The following DOCK5 variants were observed in gnomAD, a reference collection of about 807,000 sequenced individuals.
DOCK5 encodes the protein dedicator of cytokinesis protein 5.
In DOCK5, 142 loss-of-function variants were observed where a neutral mutation model predicts 251.8. That is an observed-to-expected ratio of 0.56 (90% confidence interval 0.49 to 0.65). DOCK5 has a LOEUF of 0.65. Ranked by LOEUF, DOCK5 falls within the 30% of genes least tolerant of loss-of-function variation. DOCK5 has a pLI of 0.00. For synonymous variants in DOCK5, 842 were observed against 835.5 expected, an observed-to-expected ratio of 1.01 and a Z score of -0.13; for missense variants, 2,111 against 2,312.3, an observed-to-expected ratio of 0.91 and a Z score of 1.79.
At chr8:25,389,659 A>G (rs944336642) in intron 41 of DOCK5, among the ~76,000 whole-genome samples, 2 of 152,104 alleles carry the variant, frequency 1.3e-5, no homozygotes, top group Non-Finnish European at 2.9e-5. Flanking sequence ...ACCATTTACC[A>G]GTTGTGTGAT....
rs1318391983 is a variant in DOCK5 at position 25,296,702 on chromosome 8, G to T, written c.606+54G>T. 4.4e-6 allele frequency: 7 copies of T among 1,592,736 alleles called. No individual in the cohort carries two copies. The East Asian group carries it at 1.1e-4, about 26-fold the overall frequency. Reference sequence around the variant, plus strand: ...CCACTGAGGTTCCATTTTTGCCTTGGTTTTTAATGAAAGAAAGGGAAATCA... The same window carrying T: ...CCACTGAGGTTCCATTTTTGCCTTGTTTTTTAATGAAAGAAAGGGAAATCA... On this transcript the variant is annotated intron_variant, in intron 7 of 51. Transcript: ENST00000276440.
intron 22 of DOCK5, among the ~76,000 whole-genome samples, chr8:25,336,946 A>T (rs1045519173): frequency 6.6e-6 from 1 of 152,176 alleles, no homozygotes; most frequent in Non-Finnish European, 1.5e-5. Context: ...AACTGTTAAA[A>T]TTTTTTTCTA....
intron 1 of DOCK5, among the ~76,000 whole-genome samples, chr8:25,217,773 T>A (rs1458156183): frequency 6.6e-6 from 1 of 152,202 alleles, no homozygotes; most frequent in African/African-American, 2.4e-5. Context: ...TAACATTGAA[T>A]CATGTAGTGA....
intron 1 of DOCK5, among the ~76,000 whole-genome samples, chr8:25,185,178 G>A (rs1199406515): frequency 6.6e-6 from 1 of 152,088 alleles, no homozygotes; most frequent in Non-Finnish European, 1.5e-5. Context: ...GCTGAGCTTC[G>A]GGACCGTAAT....
chr8:25,403,714 G>C lies in DOCK5; in HGVS notation c.5083G>C (p.Gly1695Arg). ...GTCTGACAATGCTCCTTCCAGACCG[G>C]GATCTGATGGGTAAGGGTTTCATCT... ...NSSDNAPSRPGSDGSILEPLL... is the reference protein window; with the variant it reads ...NSSDNAPSRPRSDGSILEPLL... Residue 1695 changes from glycine to arginine, a missense_variant, in exon 48 of 52, where the codon GGA becomes CGA. By Grantham distance (125) the Gly-to-Arg change is moderately radical. Transcript: ENST00000276440. 6.2e-7 allele frequency: 1 copy of C among 1,613,792 alleles called. No individual in the cohort carries two copies. The highest frequency in any genetic ancestry group is 1.3e-5 in the African/African-American group (1 of 75,000).
At chr8:25,367,212 G>A (rs961926136) in intron 31 of DOCK5, among the ~76,000 whole-genome samples, 1 of 152,086 alleles carries the variant, frequency 6.6e-6, no homozygotes, top group African/African-American at 2.4e-5. Context: ...ACCTGGAGAC[G>A]GACCTTGGCT....
At chr8:25,240,243 C>T (rs1802908026) in intron 1 of DOCK5, among the ~76,000 whole-genome samples, 2 of 150,316 alleles carry the variant, frequency 1.3e-5, no homozygotes, top group South Asian at 4.2e-4. Context: ...GTAGTTCCCT[C>T]ATCAGTAGAG....
At chr8:25,306,145 A>C (rs567444613) in intron 11 of DOCK5, among the ~76,000 whole-genome samples, 1 of 152,224 alleles carries the variant, frequency 6.6e-6, no homozygotes, top group East Asian at 1.9e-4. Context: ...ACGCTGTCTC[A>C]GATAAAATAA....
intron 13 of DOCK5, 107 bp downstream of exon 13, chr8:25,310,639 A>G (rs1239746749): frequency 1.5e-6 from 2 of 1,352,064 alleles, no homozygotes; most frequent in African/African-American, 1.5e-5. Context: ...ATTTACATTC[A>G]TTGGTCCTGA....
intron 1 of DOCK5, among the ~76,000 whole-genome samples, chr8:25,195,285 A>G (rs1486793032): frequency 1.7e-5 from 2 of 119,370 alleles, no homozygotes; most frequent in African/African-American, 7.1e-5. Context: ...TAAGATGGGC[A>G]TCTTGCTTTG....
chr8:25,389,098 T>C lies in DOCK5; in HGVS notation c.4139T>C (p.Ile1380Thr), dbSNP rs757684547. The C allele has an allele frequency of 4.4e-5, 71 of 1,613,756 alleles. No individual in the cohort carries two copies. Among genetic ancestry groups the C allele is most frequent in the Non-Finnish European group, 5.8e-5 (69 of 1,179,770 alleles). ...TCTGTGTCTCACCTGCAGAATAAAA[T>C]CTTCATCTATCGGGGAAAGGAGTAT... ...QGFPSFLRNK[I>T]FIYRGKEYER... Residue 1380 changes from isoleucine (I) to threonine (T), a missense_variant, in exon 41 of 52, where the codon ATC becomes ACC. Around this residue, in one of 3 missense-constraint regions of DOCK5, gnomAD observed 1,717 missense variants for 1,892.4 expected, o/e 0.91. Coordinates refer to ENST00000276440, the MANE Select transcript of DOCK5 (RefSeq NM_024940.8).
rs1805802070 is a variant in DOCK5 at position 25,336,237 on chromosome 8, A to T, written c.2193-2A>T. The T allele has an allele frequency of 6.2e-7, 1 of 1,608,094 alleles. No homozygotes were observed. ...TTAATTTTTCTTTCTCATTCTTCTA[A>T]GGAAACTCTCCAAGGTACTGAACTT... On this transcript the variant is annotated splice_acceptor_variant, in intron 21 of 51. Transcript: ENST00000276440. LOFTEE classifies it high-confidence loss of function.
intron 21 of DOCK5, among the ~76,000 whole-genome samples, chr8:25,335,944 C>T (rs878916179): frequency 6.6e-6 from 1 of 152,188 alleles, no homozygotes; most frequent in African/African-American, 2.4e-5. Flanking sequence ...ATTAAAATAT[C>T]CTAGCAATTT....
At chr8:25,407,864 C>CAAAA (rs10606113) in intron 48 of DOCK5, 119 bp from the exon 49 acceptor site, 4 of 988,022 alleles carry the variant, frequency 4.0e-6, no homozygotes, top group African/African-American at 2.0e-5. Flanking sequence ...GACCCTGTCT[C>CAAAA]AAAAAAAAAA....
chr8:25,202,193 T>G (rs575568358), intron 1 of DOCK5, among the ~76,000 whole-genome samples: 1 of 152,188 alleles, frequency 6.6e-6, no homozygotes, highest in South Asian at 2.1e-4. Context: ...AATTTTTGTA[T>G]TTTTAGAAGA....
At chr8:25,218,512 G>A (rs1586236706) in intron 1 of DOCK5, among the ~76,000 whole-genome samples, 1 of 152,288 alleles carries the variant, frequency 6.6e-6, no homozygotes, top group East Asian at 1.9e-4. Context: ...TGTTACAAGG[G>A]GGCATCACCA....
chr8:25,368,375 A>C (rs745967757), intron 32 of DOCK5, 125 bp downstream of exon 32: 32 of 1,132,336 alleles, frequency 2.8e-5, no homozygotes, highest in Non-Finnish European at 3.7e-5. Flanking sequence ...TCTGGAAGTG[A>C]AAGTTGATTT....
chr8:25,255,713 T>A (rs1017053947), intron 2 of DOCK5, among the ~76,000 whole-genome samples: 4 of 152,234 alleles, frequency 2.6e-5, no homozygotes, highest in African/African-American at 9.6e-5. Flanking sequence ...TAGGTTTGAT[T>A]GCAATAAATG....
At chr8:25,239,774 C>T (rs1187200260) in intron 1 of DOCK5, among the ~76,000 whole-genome samples, 1 of 152,168 alleles carries the variant, frequency 6.6e-6, no homozygotes, top group Non-Finnish European at 1.5e-5. Context: ...TAACCTATGT[C>T]ACCAGCCAAT....
Sources: gnomAD v4.1 joint callset for allele counts (sites outside exome capture counted in the v4.1 genomes callset) on GRCh38, gnomAD v4.1.1 for gene constraint, gnomAD v4.1.1 regional missense constraint, MANE v1.5 for transcripts, NCBI Gene and HGNC (gene_info 2026-07-23, HGNC 2026-07-21) for gene names.